Variants in XNDC1N observed in about 807,000 individuals in gnomAD.
XNDC1N encodes the protein XRCC1 N-terminal domain containing 1, N-terminal like, also known as protein XNDC1N.
chr11:71,906,852 T>C, the XNDC1N span, among the ~76,000 whole-genome samples: 1 of 152,128 alleles, frequency 6.6e-6, no homozygotes, highest in African/African-American at 2.4e-5. Context: ...CCCTAGAATA[T>C]GATGATAATA....
chr11:71,879,185 A>G, the XNDC1N span, among the ~76,000 whole-genome samples: 1 of 152,180 alleles, frequency 6.6e-6, no homozygotes, highest in Admixed American at 6.5e-5. Flanking sequence ...CACAGGATAA[A>G]TTCACCACTG....
At chr11:71,921,726 A>G in the XNDC1N span, among the ~76,000 whole-genome samples, 2 of 152,070 alleles carry the variant, frequency 1.3e-5, no homozygotes, top group Non-Finnish European at 2.9e-5. Context: ...ATAAAAGGAG[A>G]GCTCTGGTTA....
the XNDC1N span, among the ~76,000 whole-genome samples, chr11:71,898,131 C>T: frequency 6.6e-6 from 1 of 151,672 alleles, no homozygotes; most frequent in African/African-American, 2.4e-5. Flanking sequence ...TTGGAGTGAG[C>T]CCCGATTGTG....
the XNDC1N span, among the ~76,000 whole-genome samples, chr11:71,908,657 C>T: frequency 1.3e-5 from 2 of 152,208 alleles, no homozygotes; most frequent in South Asian, 2.1e-4. Context: ...AACAATACAA[C>T]GCCCCATACC....
chr11:71,917,604 G>T, the XNDC1N span: 1 of 703,506 alleles, frequency 1.4e-6, no homozygotes, highest in African/African-American at 1.7e-5. Flanking sequence ...CATCTTTTCT[G>T]CTTTTGCCCT....
the XNDC1N span, among the ~76,000 whole-genome samples, chr11:71,899,615 G>A: frequency 5.9e-5 from 9 of 152,300 alleles, no homozygotes; most frequent in South Asian, 2.1e-4. Context: ...TTTCCAAGCA[G>A]TATACTTGGT....
At chr11:71,874,106 GGAGTTT>G in the XNDC1N span, among the ~76,000 whole-genome samples, 22 of 152,228 alleles carry the variant, frequency 1.4e-4, no homozygotes, top group South Asian at 6.2e-4. Context: ...TCTGAGGACA[GGAGTTT>G]GAGAACAGCC....
the XNDC1N span, among the ~76,000 whole-genome samples, chr11:71,885,017 G>C: frequency 6.6e-6 from 1 of 152,098 alleles, no homozygotes; most frequent in Non-Finnish European, 1.5e-5. Context: ...ATCCGCGGTG[G>C]ATACACAGCC....
the XNDC1N span, among the ~76,000 whole-genome samples, chr11:71,927,331 C>T: frequency 0.016 from 2,377 of 152,082 alleles, 33 homozygotes; most frequent in Middle Eastern, 0.085. Context: ...GTCAGGAGTT[C>T]GAGACCATGG....
chr11:71,918,594 T>C, the XNDC1N span, among the ~76,000 whole-genome samples: 1 of 152,290 alleles, frequency 6.6e-6, no homozygotes, highest in East Asian at 1.9e-4. Context: ...GATTTATAAT[T>C]ACGTCAGTGT....
chr11:71,887,607 G>A, the XNDC1N span, among the ~76,000 whole-genome samples: 4,418 of 150,496 alleles, frequency 0.029, no homozygotes, highest in East Asian at 0.065. Flanking sequence ...CAAAAACAGG[G>A]GCCGGTCCCC....
chr11:71,873,574 A>T, the XNDC1N span, among the ~76,000 whole-genome samples: 4 of 152,210 alleles, frequency 2.6e-5, no homozygotes, highest in Non-Finnish European at 5.9e-5. Context: ...AAATAGGGGG[A>T]CAGAGTTTCC....
chr11:71,907,445 C>G, the XNDC1N span, among the ~76,000 whole-genome samples: 1 of 130,302 alleles, frequency 7.7e-6, no homozygotes, highest in Non-Finnish European at 1.7e-5. Flanking sequence ...CCCCACGATG[C>G]GGGGAGTAAG....
At chr11:71,910,653 A>C in the XNDC1N span, among the ~76,000 whole-genome samples, 2 of 152,172 alleles carry the variant, frequency 1.3e-5, no homozygotes, top group Non-Finnish European at 2.9e-5. Context: ...GAAAGCTCAG[A>C]TCTGCCGACA....
the XNDC1N span, among the ~76,000 whole-genome samples, chr11:71,881,673 G>C: frequency 6.6e-6 from 1 of 151,954 alleles, no homozygotes; most frequent in Admixed American, 6.6e-5. Context: ...TACATTCTGA[G>C]ATACTAAAGA....
chr11:71,913,895 C>T, the XNDC1N span, among the ~76,000 whole-genome samples: 23 of 152,268 alleles, frequency 1.5e-4, no homozygotes, highest in Non-Finnish European at 2.8e-4. Flanking sequence ...ATAAATGGAA[C>T]AGCAAAGCCT....
chr11:71,891,655 G>A, the XNDC1N span, among the ~76,000 whole-genome samples: 3 of 151,994 alleles, frequency 2.0e-5, no homozygotes, highest in South Asian at 2.1e-4. Flanking sequence ...ATATCACAGG[G>A]GTGCTGTACA....
the XNDC1N span, among the ~76,000 whole-genome samples, chr11:71,907,229 GA>G: frequency 8.9e-3 from 1,355 of 152,182 alleles, 19 homozygotes; most frequent in African/African-American, 0.032. Context: ...CTAGAATATG[GA>G]AAATAATGTC....
the XNDC1N span, chr11:71,918,748 TC>T: frequency 4.9e-6 from 3 of 614,856 alleles, no homozygotes; most frequent in Non-Finnish European, 5.8e-6. Context: ...GGGCCACATT[TC>T]CCTTTGACAC....
Sources: allele counts gnomAD v4.1 joint callset (sites outside exome capture counted in the v4.1 genomes callset), GRCh38; gene constraint gnomAD v4.1.1; transcripts MANE v1.5; gene names NCBI Gene and HGNC (gene_info 2026-07-23, HGNC 2026-07-21).